Variants in THUMPD2 observed in about 807,000 individuals in gnomAD.
The protein encoded by THUMPD2 is THUMP domain 2 tRNA and snRNA guanosine methyltransferase.
Under a neutral mutation model 49.4 loss-of-function variants are expected in THUMPD2, and 56 were observed. The ratio of observed to expected loss-of-function variants is 1.13; its 90% confidence interval spans 0.91 to 1.41. The LOEUF (loss-of-function observed/expected upper bound fraction) is 1.41, where lower values mean the gene tolerates loss of function less well. Among genes scored for constraint, THUMPD2 ranks in the 40% most tolerant of loss-of-function variants. The pLI, the probability that THUMPD2 is intolerant of heterozygous loss-of-function variation, is 0.00. For synonymous variants in THUMPD2, 237 were observed against 205.2 expected (o/e 1.15, Z -1.32); for missense variants, 709 against 594.5 (o/e 1.19, Z -2.00).
At chr2:39,755,726 A>G (rs1366536186) in intron 7 of THUMPD2, among the ~76,000 whole-genome samples, 163 bp downstream of exon 7, 1 of 150,292 alleles carries the variant, frequency 6.7e-6, no homozygotes, top group Non-Finnish European at 1.5e-5. Context: ...GAAACAACAT[A>G]GCAATTTCAT....
At chr2:39,749,870 T>A (rs1388921065) in intron 8 of THUMPD2, among the ~76,000 whole-genome samples, 1 of 152,142 alleles carries the variant, frequency 6.6e-6, no homozygotes, top group Non-Finnish European at 1.5e-5. Flanking sequence ...TGTTCCTGCG[T>A]TAGTTTGCTG....
rs368028198 is a variant in THUMPD2, at chr2:39,769,748, G to C, written c.634C>G (p.Arg212Gly). 8.8e-6 allele frequency: 14 copies of C among 1,585,730 alleles called. No individual in the cohort carries two copies. The highest frequency in any genetic ancestry group is 1.1e-5 in the Non-Finnish European group (13 of 1,170,890). The change falls in exon 3 of 10, where the codon CGC becomes GGC. Residue 212 changes from arginine to glycine, a missense_variant. By Grantham distance (125) the Arg-to-Gly change is moderately radical. Transcript: ENST00000505747. ...QNDLTFRVSC[R>G]CSGTIGKAFT... ...GCCTTTCCAATAGTTCCACTGCAGC[G>C]ACAAGATACTCTGAAAGTCAAGTCA...
intron 8 of THUMPD2, among the ~76,000 whole-genome samples, chr2:39,749,032 T>G (rs1675019888): frequency 6.6e-6 from 1 of 152,184 alleles, no homozygotes. Context: ...AAGTGTCTGT[T>G]TCAATGGACA....
chr2:39,763,459 T>C (rs959445466), intron 5 of THUMPD2, among the ~76,000 whole-genome samples: 1 of 152,200 alleles, frequency 6.6e-6, no homozygotes, highest in Admixed American at 6.5e-5. Flanking sequence ...TCTAGATCTG[T>C]AACTTCAAAT....
intron 8 of THUMPD2, among the ~76,000 whole-genome samples, chr2:39,753,692 T>C (rs138710148): frequency 6.6e-6 from 1 of 152,224 alleles, no homozygotes; most frequent in East Asian, 1.9e-4. Flanking sequence ...AAGCTTAGAA[T>C]GTTCTCTCTC....
chr2:39,747,695 C>CTA (rs1010377133), intron 8 of THUMPD2, among the ~76,000 whole-genome samples: 2 of 151,954 alleles, frequency 1.3e-5, no homozygotes, highest in African/African-American at 4.8e-5. Flanking sequence ...GCCTACAGTG[C>CTA]TAATATCTGA....
chr2:39,761,361 C>T lies in THUMPD2; in HGVS notation c.861G>A (p.Ala287=), dbSNP rs142811748. The change falls in exon 6 of 10, where the codon GCG becomes GCA. Residue 287 remains alanine (A), a synonymous_variant. Coordinates refer to ENST00000505747, the MANE Select transcript of THUMPD2 (RefSeq NM_025264.5). ...IKTAGLRSTI[A]WAMASLADIK... ...TGTCAGCCAGAGATGCCATTGCCCA[C>T]GCTATTGTAGATCGCAGTCCAGCTG... The T allele has an allele frequency of 3.8e-4, 621 of 1,613,754 alleles. 1 individual carries two copies. Among genetic ancestry groups the T allele is most frequent in the South Asian group, 1.6e-3 (150 of 91,068 alleles).
At chr2:39,756,429 C>T (rs964595186) in intron 6 of THUMPD2, among the ~76,000 whole-genome samples, 8 of 150,492 alleles carry the variant, frequency 5.3e-5, no homozygotes, top group East Asian at 2.0e-4. Flanking sequence ...GCAGAGATCG[C>T]GCCCCTGCAC....
At chr2:39,768,879 A>G (rs753813520) in intron 3 of THUMPD2, 19 of 1,292,492 alleles carry the variant, frequency 1.5e-5, no homozygotes, top group Non-Finnish European at 1.9e-5. Context: ...AAAAATTATC[A>G]GATTAGTATC....
At position 39,769,161 on chromosome 2, in the gene THUMPD2, T is replaced by C. The variant is rs535060541; in HGVS notation, c.672+549A>G. ...GAGAAACCCCAAAAGCTGAGGACTA[T>C]GGTATCAGGATTTCCAAATACAAAG... On this transcript the variant is annotated intron_variant, in intron 3 of 9. Coordinates refer to ENST00000505747, the MANE Select transcript of THUMPD2 (RefSeq NM_025264.5). 10 of 1,162,762 alleles carry C rather than the reference T, an allele frequency of 8.6e-6. No individual in the cohort carries two copies. The African/African-American group carries it at 1.1e-4, about 13-fold the overall frequency. 72.0% of individuals were successfully genotyped at this position (1,162,762 alleles called of 1,614,324 possible).
At chr2:39,773,124 A>G (rs1037853928) in intron 1 of THUMPD2, among the ~76,000 whole-genome samples, 1 of 152,194 alleles carries the variant, frequency 6.6e-6, no homozygotes, top group African/African-American at 2.4e-5. Context: ...TCTAGAATTT[A>G]CTTCTTTCTC....
chr2:39,773,422 T>C (rs1476846972), intron 1 of THUMPD2, among the ~76,000 whole-genome samples: 1 of 151,660 alleles, frequency 6.6e-6, no homozygotes, highest in Admixed American at 6.6e-5. Context: ...TTAACCTAAG[T>C]AGCCAGTGAT....
chr2:39,737,630 C>A (rs536189433), intron 9 of THUMPD2, among the ~76,000 whole-genome samples: 1 of 151,962 alleles, frequency 6.6e-6, no homozygotes, highest in African/African-American at 2.4e-5. Flanking sequence ...GAGAGAGAGG[C>A]GAGTAAAGGG....
At chr2:39,762,603 T>G (rs1413932837) in intron 5 of THUMPD2, among the ~76,000 whole-genome samples, 1 of 151,842 alleles carries the variant, frequency 6.6e-6, no homozygotes, top group Admixed American at 6.6e-5. Context: ...ACATTTGGAA[T>G]GAGGGATGTA....
chr2:39,763,222 C>T (rs1677061435), intron 5 of THUMPD2, among the ~76,000 whole-genome samples: 1 of 151,692 alleles, frequency 6.6e-6, no homozygotes, highest in African/African-American at 2.4e-5. Context: ...ACGTCCTAAT[C>T]TATATCTCTA....
chr2:39,778,186 TAAG>T (rs897024999), intron 1 of THUMPD2, among the ~76,000 whole-genome samples: 1 of 152,250 alleles, frequency 6.6e-6, no homozygotes, highest in Admixed American at 6.5e-5. Context: ...GGTAAAGATC[TAAG>T]AACATGTGCC....
intron 8 of THUMPD2, among the ~76,000 whole-genome samples, chr2:39,753,147 C>T (rs1675638947): frequency 1.3e-5 from 2 of 152,162 alleles, no homozygotes; most frequent in African/African-American, 4.8e-5. Flanking sequence ...CTTTCAGTTA[C>T]TGTCCCATTT....
At chr2:39,769,032 C>T (rs1677934086) in intron 3 of THUMPD2, 1 of 1,304,590 alleles carries the variant, frequency 7.7e-7, no homozygotes, top group African/African-American at 1.5e-5. Flanking sequence ...CTCTTCTCTA[C>T]ATTGCTGAGA....
intron 6 of THUMPD2, among the ~76,000 whole-genome samples, chr2:39,757,816 C>T (rs539001711): frequency 6.6e-6 from 1 of 152,256 alleles, no homozygotes; most frequent in East Asian, 1.9e-4. Context: ...TTTTAAATTT[C>T]ATTTTTAGTG....
Sources: allele counts gnomAD v4.1 joint callset (sites outside exome capture counted in the v4.1 genomes callset), GRCh38; gene constraint gnomAD v4.1.1; transcripts MANE v1.5; gene names NCBI Gene and HGNC (gene_info 2026-07-23, HGNC 2026-07-21).